The following KCTD16 variants were observed in gnomAD, a reference collection of about 807,000 sequenced individuals.
The protein encoded by KCTD16 is potassium channel tetramerization domain containing 16, also known as BTB/POZ domain-containing protein KCTD16.
Under a neutral mutation model 33.2 loss-of-function variants are expected in KCTD16, and 13 were observed. The observed-to-expected ratio is 0.39, with a 90% CI of 0.25 to 0.62. The LOEUF is 0.62. KCTD16 is among the 20% of genes least tolerant of loss of function. KCTD16 has a pLI of 0.50. For synonymous variants in KCTD16, 197 were observed against 195.3 expected, an observed-to-expected ratio of 1.01 and a Z score of -0.07; for missense variants, 441 against 525.1, an observed-to-expected ratio of 0.84 and a Z score of 1.57.
rs771798745 is a variant in KCTD16, at chr5:144,207,446, A to G, written c.732A>G (p.Gly244=). ...ERAFDMLSEC[G]FHMVACNSSV... ...CTTTTGATATGTTGTCAGAGTGTGG[A>G]TTCCACATGGTGGCCTGTAACTCAT... is the stretch of plus-strand genomic sequence containing the variant. Residue 244 remains glycine, a synonymous_variant, in exon 3 of 4, where the codon GGA becomes GGG. Coordinates refer to ENST00000512467, the MANE Select transcript of KCTD16 (RefSeq NM_020768.4). The G allele has an allele frequency of 5.0e-6, 8 of 1,614,116 alleles. No individual in the cohort carries two copies. Among genetic ancestry groups the G allele is most frequent in the Non-Finnish European group, 6.8e-6 (8 of 1,180,044 alleles).
intron 3 of KCTD16, among the ~76,000 whole-genome samples, chr5:144,244,192 C>G (rs1224041989): frequency 2.0e-5 from 3 of 152,134 alleles, no homozygotes; most frequent in African/African-American, 7.2e-5. Flanking sequence ...AATCTCTTCT[C>G]AACATCTTGG....
At chr5:144,290,638 T>C (rs1186556756) in intron 3 of KCTD16, among the ~76,000 whole-genome samples, 3 of 152,234 alleles carry the variant, frequency 2.0e-5, no homozygotes, top group South Asian at 2.1e-4. Context: ...CCATCAATGA[T>C]GTCCCTTATT....
At chr5:144,376,322 A>C (rs1752092643) in intron 3 of KCTD16, among the ~76,000 whole-genome samples, 1 of 152,202 alleles carries the variant, frequency 6.6e-6, no homozygotes, top group Admixed American at 6.5e-5. Context: ...TATCAAAAAG[A>C]AATATACTGA....
intron 3 of KCTD16, among the ~76,000 whole-genome samples, chr5:144,276,138 C>T (rs1372795056): frequency 6.6e-6 from 1 of 152,114 alleles, no homozygotes; most frequent in African/African-American, 2.4e-5. Flanking sequence ...TCTCTTCTCC[C>T]CAAAGTAAAT....
At chr5:144,468,515 T>C (rs997034539) in intron 3 of KCTD16, among the ~76,000 whole-genome samples, 15 of 152,188 alleles carry the variant, frequency 9.9e-5, no homozygotes, top group Non-Finnish European at 4.4e-5. Flanking sequence ...CAAGAAATGA[T>C]GATTGTCAAG....
intron 3 of KCTD16, among the ~76,000 whole-genome samples, chr5:144,290,889 A>G (rs915634604): frequency 1.3e-5 from 2 of 152,246 alleles, no homozygotes; most frequent in African/African-American, 4.8e-5. Flanking sequence ...AAATGTAGTT[A>G]TACAGAATTA....
At chr5:144,334,949 T>A (rs1371289597) in intron 3 of KCTD16, among the ~76,000 whole-genome samples, 1 of 152,034 alleles carries the variant, frequency 6.6e-6, no homozygotes. Context: ...GCTAATTTTT[T>A]TTTTATTTTT....
chr5:144,387,138 ATTTTTTTT>A (rs377558036), intron 3 of KCTD16, among the ~76,000 whole-genome samples: 1 of 116,162 alleles, frequency 8.6e-6, no homozygotes, highest in Non-Finnish European at 1.7e-5. Flanking sequence ...GGCTAATTTA[ATTTTTTTT>A]TTTTTTTTTT....
chr5:144,220,785 TA>T (rs1461938746), intron 3 of KCTD16, among the ~76,000 whole-genome samples: 1 of 151,396 alleles, frequency 6.6e-6, no homozygotes, highest in African/African-American at 2.4e-5. Context: ...ACTAAAAATA[TA>T]AAAAATTAGC....
chr5:144,252,891 C>CTT (rs796121886), intron 3 of KCTD16, among the ~76,000 whole-genome samples: 2 of 138,318 alleles, frequency 1.4e-5, no homozygotes, highest in African/African-American at 5.3e-5. Flanking sequence ...CTCATCTTGC[C>CTT]TTTTTTTTTT....
At chr5:144,409,139 G>A (rs543169290) in intron 3 of KCTD16, among the ~76,000 whole-genome samples, 37 of 152,204 alleles carry the variant, frequency 2.4e-4, no homozygotes, top group Non-Finnish European at 4.4e-4. Context: ...GAAGTCAAGA[G>A]ATCTATGTTC....
intron 3 of KCTD16, among the ~76,000 whole-genome samples, chr5:144,243,150 C>A (rs900357844): frequency 7.9e-5 from 12 of 152,160 alleles, no homozygotes; most frequent in Non-Finnish European, 1.3e-4. Context: ...GTGTCATTTT[C>A]ATCACATCAT....
At chr5:144,456,094 G>A (rs1754054893) in intron 3 of KCTD16, among the ~76,000 whole-genome samples, 1 of 151,990 alleles carries the variant, frequency 6.6e-6, no homozygotes, top group South Asian at 2.1e-4. Flanking sequence ...TCAAATGATA[G>A]GAATGGGGTA....
At chr5:144,231,475 T>C (rs1754101148) in intron 3 of KCTD16, among the ~76,000 whole-genome samples, 1 of 152,218 alleles carries the variant, frequency 6.6e-6, no homozygotes, top group Non-Finnish European at 1.5e-5. Flanking sequence ...AATATTGTTA[T>C]TCCCTGTCTA....
chr5:144,203,986 T>C (rs1277366187), intron 2 of KCTD16, among the ~76,000 whole-genome samples: 1 of 152,214 alleles, frequency 6.6e-6, no homozygotes, highest in Non-Finnish European at 1.5e-5. Context: ...AGCATTAAAA[T>C]CCTAATGATT....
At chr5:144,231,847 A>G (rs1379331194) in intron 3 of KCTD16, among the ~76,000 whole-genome samples, 1 of 152,176 alleles carries the variant, frequency 6.6e-6, no homozygotes, top group Non-Finnish European at 1.5e-5. Flanking sequence ...CTGTGAGTCA[A>G]TTAAACCTTT....
chr5:144,199,812 G>A (rs1580782564), intron 2 of KCTD16, among the ~76,000 whole-genome samples: 1 of 149,062 alleles, frequency 6.7e-6, no homozygotes, highest in African/African-American at 2.5e-5. Flanking sequence ...CGCCTTCCGG[G>A]TTCAAGCGAT....
intron 3 of KCTD16, among the ~76,000 whole-genome samples, chr5:144,335,667 T>A (rs1053046053): frequency 3.9e-5 from 6 of 152,114 alleles, no homozygotes; most frequent in Admixed American, 3.9e-4. Flanking sequence ...AGGTGACAAT[T>A]GAGCTGAATC....
chr5:144,275,821 G>A (rs1274112735), intron 3 of KCTD16, among the ~76,000 whole-genome samples: 2 of 152,148 alleles, frequency 1.3e-5, no homozygotes, highest in Non-Finnish European at 2.9e-5. Flanking sequence ...AGGACTGTGT[G>A]CTTTCTTAAG....
Sources: gnomAD v4.1 joint callset for allele counts (sites outside exome capture counted in the v4.1 genomes callset) on GRCh38, gnomAD v4.1.1 for gene constraint, MANE v1.5 for transcripts, NCBI Gene and HGNC (gene_info 2026-07-23, HGNC 2026-07-21) for gene names.